The following PRCP variants were observed in gnomAD, a reference collection of about 807,000 sequenced individuals.
PRCP encodes prolylcarboxypeptidase, also known as lysosomal Pro-X carboxypeptidase.
Under a neutral mutation model 54.2 loss-of-function variants are expected in PRCP, and 46 were observed. The observed-to-expected ratio is 0.85, with a 90% CI of 0.67 to 1.09. The LOEUF (loss-of-function observed/expected upper bound fraction) is 1.09. Among genes scored for constraint, PRCP ranks in the 50% least tolerant of loss-of-function variants. PRCP has a pLI of 0.00. For missense variants in PRCP, 613 were observed against 596.8 expected (o/e 1.03, Z -0.28); for synonymous variants, 240 against 212.2 (o/e 1.13, Z -1.14).
At chr11:82,850,891 T>C (rs750968299) in intron 3 of PRCP, among the ~76,000 whole-genome samples, 7 of 152,136 alleles carry the variant, frequency 4.6e-5, no homozygotes, top group Non-Finnish European at 8.8e-5. Context: ...TAGTGGACAA[T>C]TGAGGTAAGA....
At chr11:82,841,210 G>A (rs1447286171) in intron 6 of PRCP, among the ~76,000 whole-genome samples, 1 of 150,018 alleles carries the variant, frequency 6.7e-6, no homozygotes, top group African/African-American at 2.5e-5. Flanking sequence ...ACTGAGAAAG[G>A]ATGCAACCAA....
At chr11:82,882,775 G>A (rs895170113) in intron 1 of PRCP, among the ~76,000 whole-genome samples, 15 of 151,836 alleles carry the variant, frequency 9.9e-5, no homozygotes, top group Non-Finnish European at 2.1e-4. Flanking sequence ...GATTACAGGC[G>A]TGAGCCACCG....
At chr11:82,828,008 G>A (rs940945626) in intron 8 of PRCP, 1 of 152,048 alleles carries the variant, frequency 6.6e-6, no homozygotes. Context: ...TATTCTTGAT[G>A]CTATTTAAAT....
intron 8 of PRCP, among the ~76,000 whole-genome samples, chr11:82,832,302 T>G (rs1858406788): frequency 6.6e-6 from 1 of 152,194 alleles, no homozygotes; most frequent in Admixed American, 6.5e-5. Flanking sequence ...ATAGTTGAAC[T>G]AATTTACACT....
chr11:82,888,096 C>G (rs925099454), intron 1 of PRCP, among the ~76,000 whole-genome samples: 1 of 152,174 alleles, frequency 6.6e-6, no homozygotes, highest in African/African-American at 2.4e-5. Flanking sequence ...ATGCTTTTCT[C>G]TTGTTAAACT....
At chr11:82,840,020 G>A (rs186177828) in intron 6 of PRCP, 1 of 151,890 alleles carries the variant, frequency 6.6e-6, no homozygotes, top group East Asian at 1.9e-4. Context: ...AAGGTATCTG[G>A]TAAGTAAATG....
In PRCP at chr11:82,849,185, T is replaced by G. The variant is rs539560951; in HGVS notation, c.785A>C (p.His262Pro). The G allele has an allele frequency of 6.2e-7, 1 of 1,614,034 alleles. No homozygotes were observed. Among genetic ancestry groups the G allele is most frequent in the Non-Finnish European group, 8.5e-7 (1 of 1,179,940 alleles). ...SGLQWLTGAL[H>P]LCSPLTSQDI... ...CTGAGAAGTTAATGGGCTGCATAAG[T>G]GAAGGGCTCCAGTAAGCCACTGCAA... is the stretch of plus-strand genomic sequence containing the variant. Residue 262 changes from histidine to proline, a missense_variant, in exon 6 of 9, where the codon CAC (histidine) becomes CCC (proline). Coordinates refer to ENST00000313010, the MANE Select transcript of PRCP (RefSeq NM_005040.4).
In PRCP at chr11:82,860,093, C is replaced by A; in HGVS notation, c.193G>T (p.Val65Leu). The A allele has an allele frequency of 6.4e-7, 1 of 1,555,428 alleles. No individual in the cohort carries two copies. Residue 65 changes from valine to leucine, a missense_variant, in exon 2 of 9, where the codon GTG (valine) becomes TTG (leucine). Physicochemically the swap from Val to Leu is conservative, Grantham distance 32. Coordinates refer to ENST00000313010, the MANE Select transcript of PRCP (RefSeq NM_005040.4). ...QKVDHFGFNT[V>L]KTFNQRYLVA... ...AGGTACCGCTGATTAAAAGTTTTCA[C>A]AGTATTAAATCCAAAATGATCAACC...
chr11:82,897,942 A>C (rs1375017508), intron 1 of PRCP, among the ~76,000 whole-genome samples: 1 of 152,128 alleles, frequency 6.6e-6, no homozygotes, highest in Non-Finnish European at 1.5e-5. Context: ...TAAAAATTAA[A>C]CCTTGAATAA....
At chr11:82,862,686 T>G (rs1859234812) in intron 1 of PRCP, among the ~76,000 whole-genome samples, 1 of 152,222 alleles carries the variant, frequency 6.6e-6, no homozygotes, top group East Asian at 1.9e-4. Flanking sequence ...CATCACCATA[T>G]GTAGTCCTAA....
chr11:82,870,709 G>C (rs1034198604), intron 1 of PRCP, among the ~76,000 whole-genome samples: 23 of 152,170 alleles, frequency 1.5e-4, no homozygotes, highest in African/African-American at 4.8e-4. Context: ...AAGCTCCTGA[G>C]GTTGGAGACT....
chr11:82,887,387 C>T (rs1209229753), intron 1 of PRCP, among the ~76,000 whole-genome samples: 1 of 152,146 alleles, frequency 6.6e-6, no homozygotes, highest in African/African-American at 2.4e-5. Context: ...AAGAGTTCAA[C>T]AAATATTTTT....
At chr11:82,869,639 A>G (rs1859431361) in intron 1 of PRCP, among the ~76,000 whole-genome samples, 1 of 152,258 alleles carries the variant, frequency 6.6e-6, no homozygotes. Context: ...TGACTGGAAT[A>G]AGGCCTGGCA....
rs1858164142 is a variant in PRCP at position 82,824,288 on chromosome 11, C to T, written c.*618G>A. 6.6e-6 allele frequency: 1 copy of T among 152,454 alleles called. No individual in the cohort carries two copies. The highest frequency in any genetic ancestry group is 1.5e-5 in the Non-Finnish European group (1 of 68,128). The allele number at this position is 152,454 out of a possible 1,614,324, so 9.4% of individuals were successfully genotyped here. The stretch of plus-strand genomic sequence containing the variant: ...GGAAGAGAAAAAATTAAAGGACTTT[C>T]CAAAAACAGCTAAGCCCAGTGCACA... On this transcript the variant is annotated 3_prime_UTR_variant, in exon 9 of 9. Coordinates refer to ENST00000313010, the MANE Select transcript of PRCP (RefSeq NM_005040.4).
At chr11:82,883,652 C>T (rs189386456) in intron 1 of PRCP, among the ~76,000 whole-genome samples, 8 of 152,166 alleles carry the variant, frequency 5.3e-5, no homozygotes, top group Admixed American at 1.3e-4. Context: ...AAATAAAGCA[C>T]GTAAAAATAA....
At chr11:82,855,769 T>A (rs1021677015) in intron 2 of PRCP, among the ~76,000 whole-genome samples, 10 of 152,132 alleles carry the variant, frequency 6.6e-5, no homozygotes, top group African/African-American at 2.2e-4. Context: ...ATCATTATCA[T>A]CAGAGAAATG....
chr11:82,845,884 T>G (rs143851158), intron 6 of PRCP: 4 of 152,326 alleles, frequency 2.6e-5, no homozygotes, highest in Admixed American at 2.6e-4. Flanking sequence ...GCCAAGTCCA[T>G]GATTATTTCT....
intron 2 of PRCP, among the ~76,000 whole-genome samples, chr11:82,855,437 T>C (rs1172678667): frequency 6.6e-6 from 1 of 151,854 alleles, no homozygotes; most frequent in Non-Finnish European, 1.5e-5. Flanking sequence ...GCTAACACGG[T>C]GAAACCCCGT....
chr11:82,881,519 G>A (rs2121242173), intron 1 of PRCP, among the ~76,000 whole-genome samples: 1 of 152,244 alleles, frequency 6.6e-6, no homozygotes, highest in Non-Finnish European at 1.5e-5. Context: ...TTTAAGCAGG[G>A]CCCTATAAAG....
Sources: gnomAD v4.1 joint callset for allele counts (sites outside exome capture counted in the v4.1 genomes callset) on GRCh38, gnomAD v4.1.1 for gene constraint, MANE v1.5 for transcripts, NCBI Gene and HGNC (gene_info 2026-07-23, HGNC 2026-07-21) for gene names.